Variants in CBR4 observed in about 807,000 individuals in gnomAD.
The protein encoded by CBR4 is carbonyl reductase 4, also known as 3-oxoacyl-[acyl-carrier-protein] reductase.
In CBR4, 22 loss-of-function variants were observed where a neutral mutation model predicts 21.0. The observed-to-expected ratio is 1.05, with a 90% CI of 0.75 to 1.50. The LOEUF is 1.50. Ranked by LOEUF, CBR4 falls within the 40% of genes most tolerant of loss-of-function variation. CBR4 has a pLI of 0.00. For synonymous variants in CBR4, 100 were observed against 104.4 expected (o/e 0.96, Z 0.26); for missense variants, 302 against 286.3 (o/e 1.05, Z -0.40).
chr4:168,947,023 A>C (rs1341761001), intron 2 of CBR4, among the ~76,000 whole-genome samples: 1 of 152,172 alleles, frequency 6.6e-6, no homozygotes, highest in Non-Finnish European at 1.5e-5. Flanking sequence ...TAAGGCTAAC[A>C]ATCTTGAAAT....
At chr4:169,005,853 T>C (rs1248118230) in intron 3 of CBR4, 11 of 1,283,060 alleles carry the variant, frequency 8.6e-6, no homozygotes, top group Non-Finnish European at 1.1e-5. Context: ...TGAAAAACCA[T>C]TTCCTACATT....
At chr4:168,948,814 G>GT (rs1171271685) in intron 2 of CBR4, among the ~76,000 whole-genome samples, 10 of 152,124 alleles carry the variant, frequency 6.6e-5, no homozygotes, top group Admixed American at 6.5e-4. Context: ...CTCCAGATTT[G>GT]TTCTTTTCAT....
At position 169,010,255 on chromosome 4, in the gene CBR4, T is replaced by C. The variant is rs550255944; in HGVS notation, c.-166A>G. The C allele has an allele frequency of 4.1e-5, 25 of 602,540 alleles. No individual in the cohort carries two copies. Among genetic ancestry groups the C allele is most frequent in the South Asian group, 3.0e-4 (13 of 43,240 alleles). The allele number at this position is 602,540 out of a possible 1,614,324, so 37.3% of individuals were successfully genotyped here. A position where few individuals can be genotyped will look rare whatever the true frequency, so the allele number is the denominator to read the frequency against. On this transcript the variant is annotated 5_prime_UTR_variant, in exon 1 of 5. Coordinates refer to ENST00000306193, the MANE Select transcript of CBR4 (RefSeq NM_032783.5). Reference sequence around the variant, plus strand: ...GACACCTCCTGCAGCCGCACAATAGTAATGCAAGACGCCGTGAAAAGGAGG... The same window carrying C: ...GACACCTCCTGCAGCCGCACAATAGCAATGCAAGACGCCGTGAAAAGGAGG...
chr4:168,974,054 G>A (rs1012718590), intron 2 of CBR4, among the ~76,000 whole-genome samples: 11 of 152,100 alleles, frequency 7.2e-5, no homozygotes, highest in Non-Finnish European at 1.2e-4. Flanking sequence ...CTATTTTGGT[G>A]TATTTCAAGA....
chr4:168,904,567 TAGGGG>T (rs1238492037), intron 2 of CBR4, among the ~76,000 whole-genome samples: 1 of 152,080 alleles, frequency 6.6e-6, no homozygotes, highest in Non-Finnish European at 1.5e-5. Context: ...ATGCTGGATA[TAGGGG>T]ATACAAAAAT....
At chr4:168,967,803 T>A (rs906661143) in intron 2 of CBR4, among the ~76,000 whole-genome samples, 2 of 152,194 alleles carry the variant, frequency 1.3e-5, no homozygotes, top group African/African-American at 2.4e-5. Flanking sequence ...TAGAGTGCTG[T>A]TGAGTTTGAA....
intron 2 of CBR4, among the ~76,000 whole-genome samples, chr4:168,932,879 TTTCA>T (rs1473015452): frequency 6.6e-6 from 1 of 152,154 alleles, no homozygotes; most frequent in Non-Finnish European, 1.5e-5. Context: ...ATAAAGTCTT[TTTCA>T]GATATGCAAA....
chr4:168,997,640 G>A (rs1429491623), intron 4 of CBR4, among the ~76,000 whole-genome samples: 1 of 152,088 alleles, frequency 6.6e-6, no homozygotes, highest in East Asian at 1.9e-4. Flanking sequence ...ATCCTTTATC[G>A]ATTTCTGACT....
At chr4:168,965,790 T>C (rs143572419) in intron 2 of CBR4, among the ~76,000 whole-genome samples, 1,671 of 152,124 alleles carry the variant, frequency 0.011, 31 homozygotes, top group African/African-American at 0.035. Context: ...CCTAACACCA[T>C]AAAAACCCTA....
At chr4:168,952,249 C>T (rs1763561875) in intron 2 of CBR4, among the ~76,000 whole-genome samples, 1 of 152,068 alleles carries the variant, frequency 6.6e-6, no homozygotes, top group Admixed American at 6.5e-5. Context: ...ATAAGTGTGA[C>T]CAATATTTCC....
chr4:168,931,757 AC>A (rs1252328014), intron 2 of CBR4, among the ~76,000 whole-genome samples: 4 of 152,166 alleles, frequency 2.6e-5, no homozygotes, highest in African/African-American at 7.2e-5. Flanking sequence ...CAGTGAGCCC[AC>A]CCCAGCAAAG....
At chr4:168,997,101 C>T (rs1765241393) in intron 4 of CBR4, among the ~76,000 whole-genome samples, 1 of 76,332 alleles carries the variant, frequency 1.3e-5, no homozygotes, top group Non-Finnish European at 3.5e-5. Context: ...GCTCTACTCC[C>T]CTTTTTGCTA....
At chr4:168,907,904 A>C (rs1016535187) in intron 2 of CBR4, among the ~76,000 whole-genome samples, 1 of 152,160 alleles carries the variant, frequency 6.6e-6, no homozygotes. Flanking sequence ...AACACTACCT[A>C]TTATAGTATT....
At chr4:168,976,661 A>G (rs1237715101) in intron 2 of CBR4, among the ~76,000 whole-genome samples, 3 of 152,206 alleles carry the variant, frequency 2.0e-5, no homozygotes. Flanking sequence ...GATATTACAA[A>G]GCATCTTCTC....
chr4:169,009,104 A>T (rs1731170911), intron 1 of CBR4: 1 of 443,258 alleles, frequency 2.3e-6, no homozygotes, highest in Non-Finnish European at 4.5e-6. Flanking sequence ...AGTAAGAGCC[A>T]CAAGACGCAC....
In CBR4 at chr4:168,916,179, A is replaced by T. The variant is rs1253111635; in HGVS notation, n.170-21414T>A. ...TATAATCCCAGCACTTTAGAGTCCA[A>T]AGCCGGGCAGATCGCTTGATCCCAG... On this transcript the variant is annotated intron_variant and non_coding_transcript_variant, in intron 2 of 3. Transcript: ENST00000509108. 7.6e-6 allele frequency: 6 copies of T among 794,214 alleles called. No individual in the cohort carries two copies. In the Admixed American group the frequency reaches 1.1e-4, roughly 15 times the overall value. The allele number at this position is 794,214 out of a possible 1,614,324, so 49.2% of individuals were successfully genotyped here.
chr4:168,943,356 C>A (rs924155984), intron 2 of CBR4, among the ~76,000 whole-genome samples: 14 of 152,126 alleles, frequency 9.2e-5, no homozygotes, highest in Admixed American at 9.2e-4. Flanking sequence ...TTGAGAAAGC[C>A]ACCGCACAAA....
At chr4:168,896,446 C>G (rs886421182) in intron 2 of CBR4, 9 of 721,426 alleles carry the variant, frequency 1.2e-5, no homozygotes, top group Admixed American at 6.1e-5. Context: ...CTACCAAACG[C>G]ATATTGCTAG....
intron 2 of CBR4, among the ~76,000 whole-genome samples, chr4:168,973,574 T>G (rs933039803): frequency 3.3e-5 from 5 of 152,218 alleles, no homozygotes; most frequent in African/African-American, 1.2e-4. Flanking sequence ...GTGATCCACC[T>G]GCCTTGGCCT....
Sources: gnomAD v4.1 joint callset for allele counts (sites outside exome capture counted in the v4.1 genomes callset) on GRCh38, gnomAD v4.1.1 for gene constraint, MANE v1.5 for transcripts, NCBI Gene and HGNC (gene_info 2026-07-23, HGNC 2026-07-21) for gene names.